SPATS2: variants seen among roughly 807,000 people sequenced by gnomAD.
SPATS2 encodes the protein spermatogenesis-associated serine-rich protein 2.
In SPATS2, 38 loss-of-function variants were observed where a neutral mutation model predicts 63.7. That is an observed-to-expected ratio of 0.60 (90% CI 0.46 to 0.78). The LOEUF is 0.78. Ranked by LOEUF, SPATS2 falls within the 30% of genes least tolerant of loss-of-function variation. SPATS2 has a pLI of 0.00. For missense variants in SPATS2, 588 were observed against 666.2 expected (o/e 0.88, Z 1.29); for synonymous variants, 207 against 232.9 (o/e 0.89, Z 1.01).
intron 9 of SPATS2, among the ~76,000 whole-genome samples, chr12:49,501,622 TTTTG>T (rs1472999455): frequency 6.6e-6 from 1 of 152,140 alleles, no homozygotes; most frequent in Non-Finnish European, 1.5e-5. Context: ...TTTTGTTTTG[TTTTG>T]TTTGTTTTTT....
intron 13 of SPATS2, among the ~76,000 whole-genome samples, chr12:49,525,469 G>C (rs565940178): frequency 6.6e-6 from 1 of 152,172 alleles, no homozygotes; most frequent in Non-Finnish European, 1.5e-5. Flanking sequence ...TAAGCTTTCC[G>C]GATTATAATG....
chr12:49,376,325 A>G (rs990169612), intron 2 of SPATS2, among the ~76,000 whole-genome samples: 1 of 149,450 alleles, frequency 6.7e-6, no homozygotes, highest in Non-Finnish European at 1.5e-5. Flanking sequence ...CTGGTCTTGA[A>G]CTCCTGACCT....
chr12:49,401,223 C>G (rs1944599944), intron 2 of SPATS2, among the ~76,000 whole-genome samples: 1 of 152,140 alleles, frequency 6.6e-6, no homozygotes, highest in Admixed American at 6.5e-5. Context: ...GTTGACCAGG[C>G]TGGTCTCAAA....
At chr12:49,495,031 T>A in intron 7 of SPATS2, 29 bp downstream of exon 7, 1 of 1,507,108 alleles carries the variant, frequency 6.6e-7, no homozygotes, top group Non-Finnish European at 8.9e-7. Context: ...TTTGAAAAAG[T>A]TGCATTCAGT....
At chr12:49,439,393 T>C (rs1425581806) in intron 2 of SPATS2, among the ~76,000 whole-genome samples, 4 of 151,970 alleles carry the variant, frequency 2.6e-5, no homozygotes, top group Admixed American at 1.3e-4. Context: ...GTGTGAAAAA[T>C]AGACTACATT....
At chr12:49,484,451 A>G (rs968292092) in intron 3 of SPATS2, 139 bp from the exon 4 acceptor site, 15 of 641,090 alleles carry the variant, frequency 2.3e-5, no homozygotes, top group Admixed American at 8.5e-5. Context: ...TATGTTATCT[A>G]TGTAACAGAA....
intron 2 of SPATS2, among the ~76,000 whole-genome samples, chr12:49,436,601 C>G (rs1421201053): frequency 1.1e-3 from 93 of 82,310 alleles, no homozygotes; most frequent in African/African-American, 2.2e-3. Flanking sequence ...CTGGCCGGGC[C>G]GGGGGCTGAC....
chr12:49,485,691 A>G (rs1408203032), intron 4 of SPATS2, among the ~76,000 whole-genome samples: 2 of 151,808 alleles, frequency 1.3e-5, no homozygotes, highest in African/African-American at 2.4e-5. Context: ...AAGAAAACCA[A>G]GTGGTTTTAG....
intron 2 of SPATS2, among the ~76,000 whole-genome samples, chr12:49,455,189 T>C (rs1409799591): frequency 6.6e-6 from 1 of 152,190 alleles, no homozygotes; most frequent in Non-Finnish European, 1.5e-5. Context: ...TTAAAGGTTG[T>C]ATTAAAACAC....
intron 2 of SPATS2, among the ~76,000 whole-genome samples, chr12:49,372,943 TG>T (rs1944025973): frequency 2.9e-3 from 50 of 17,142 alleles, no homozygotes; most frequent in South Asian, 0.022. Context: ...TTCTGTTTTG[TG>T]TGTGTGTGTG....
chr12:49,427,962 A>T (rs933851602), intron 2 of SPATS2, among the ~76,000 whole-genome samples: 7 of 151,920 alleles, frequency 4.6e-5, no homozygotes, highest in African/African-American at 9.7e-5. Context: ...TGCATTAATT[A>T]AAAAAATTTC....
intron 3 of SPATS2, among the ~76,000 whole-genome samples, chr12:49,466,499 A>C (rs1441917906): frequency 6.6e-6 from 1 of 152,126 alleles, no homozygotes; most frequent in Non-Finnish European, 1.5e-5. Context: ...ATAAGAGTCT[A>C]AGTTTACTTT....
chr12:49,404,742 T>C (rs1944665487), intron 2 of SPATS2, among the ~76,000 whole-genome samples: 1 of 152,172 alleles, frequency 6.6e-6, no homozygotes, highest in Non-Finnish European at 1.5e-5. Flanking sequence ...AGTCATCTGT[T>C]CTGATCACTG....
intron 3 of SPATS2, among the ~76,000 whole-genome samples, chr12:49,467,110 A>G (rs1945934028): frequency 7.2e-6 from 1 of 138,148 alleles, no homozygotes; most frequent in African/African-American, 2.7e-5. Flanking sequence ...GTGCAGCAGC[A>G]CAATCTCGGC....
At chr12:49,456,305 A>G (rs943076434) in intron 2 of SPATS2, among the ~76,000 whole-genome samples, 2 of 152,238 alleles carry the variant, frequency 1.3e-5, no homozygotes, top group African/African-American at 2.4e-5. Flanking sequence ...AGATTGAGGA[A>G]GTATTCCATG....
intron 2 of SPATS2, among the ~76,000 whole-genome samples, chr12:49,441,041 T>C (rs1286372221): frequency 1.3e-5 from 2 of 152,240 alleles, no homozygotes; most frequent in Non-Finnish European, 2.9e-5. Flanking sequence ...TCAAAAAATT[T>C]ATTTAACAAC....
chr12:49,405,382 A>G (rs1223518430), intron 2 of SPATS2, among the ~76,000 whole-genome samples: 3 of 152,086 alleles, frequency 2.0e-5, no homozygotes, highest in Non-Finnish European at 4.4e-5. Context: ...TTAATTGTTC[A>G]TATGTCCATC....
chr12:49,515,204 A>G (rs758207718), intron 10 of SPATS2, among the ~76,000 whole-genome samples: 3 of 152,214 alleles, frequency 2.0e-5, no homozygotes, highest in Non-Finnish European at 4.4e-5. Context: ...TTTGTACAGA[A>G]AAAACAGATA....
At chr12:49,376,300 A>C (rs1944101159) in intron 2 of SPATS2, among the ~76,000 whole-genome samples, 1 of 151,126 alleles carries the variant, frequency 6.6e-6, no homozygotes, top group Admixed American at 6.6e-5. Flanking sequence ...ACGGGGTTTC[A>C]CCATGTTGAC....
Sources: gnomAD v4.1 joint callset for allele counts (sites outside exome capture counted in the v4.1 genomes callset) on GRCh38, gnomAD v4.1.1 for gene constraint, MANE v1.5 for transcripts, NCBI Gene and HGNC (gene_info 2026-07-23, HGNC 2026-07-21) for gene names.